The following ATP11C variants were observed in gnomAD, a reference collection of about 807,000 sequenced individuals.
The protein encoded by ATP11C is ATPase phospholipid transporting 11C (ATP11C blood group), also known as phospholipid-transporting ATPase IG.
A neutral mutation model predicts 97.4 loss-of-function variants in ATP11C; 36 were observed. The observed-to-expected ratio is 0.37, with a 90% confidence interval of 0.28 to 0.49. ATP11C has a LOEUF of 0.49. Ranked by LOEUF, ATP11C falls within the 20% of genes least tolerant of loss-of-function variation. The pLI is 0.98. For synonymous variants in ATP11C, 275 were observed against 290.9 expected (o/e 0.95, Z 0.56); for missense variants, 730 against 824.6 (o/e 0.89, Z 1.40).
chrX:139,733,754 C>G (rs1024201148), intron 28 of ATP11C, among the ~76,000 whole-genome samples: 1 of 111,835 alleles, frequency 8.9e-6, no homozygotes, highest in African/African-American at 3.2e-5. Flanking sequence ...CCTATCTATT[C>G]AAGACTGCAA....
At chrX:139,839,035 T>C (rs2083789204) in intron 1 of ATP11C, among the ~76,000 whole-genome samples, 1 of 112,189 alleles carries the variant, frequency 8.9e-6, no homozygotes, top group Middle Eastern at 4.6e-3. Flanking sequence ...TGAAATATTA[T>C]TCAGCCATAA....
intron 5 of ATP11C, among the ~76,000 whole-genome samples, chrX:139,810,477 G>C (rs1402520209): frequency 9.0e-6 from 1 of 111,083 alleles, no homozygotes. Context: ...ATAATAACCA[G>C]AAAATTCCCA....
chrX:139,759,860 G>C (rs1251285585), intron 22 of ATP11C, among the ~76,000 whole-genome samples: 10 of 112,090 alleles, frequency 8.9e-5, no homozygotes, highest in Non-Finnish European at 1.1e-4. Context: ...CTCCTTAACA[G>C]AGCATTCCTT....
chrX:139,882,655 C>G (rs181422069), intron 1 of ATP11C, among the ~76,000 whole-genome samples: 1 of 111,601 alleles, frequency 9.0e-6, no homozygotes, highest in Admixed American at 9.6e-5. Context: ...CCCCCCTTCA[C>G]TAGGGCTCAG....
intron 18 of ATP11C, among the ~76,000 whole-genome samples, chrX:139,777,229 G>T (rs373320491): frequency 9.1e-6 from 1 of 110,340 alleles, no homozygotes; most frequent in Non-Finnish European, 1.9e-5. Context: ...AATATGGATT[G>T]CAAGGCAACT....
intron 5 of ATP11C, among the ~76,000 whole-genome samples, chrX:139,808,348 T>C (rs1392019023): frequency 9.0e-6 from 1 of 111,248 alleles, no homozygotes; most frequent in African/African-American, 3.3e-5. Flanking sequence ...CCAAGAATTA[T>C]CCAAAGTTAA....
At chrX:139,930,044 ATACT>A (rs892282197) in intron 1 of ATP11C, among the ~76,000 whole-genome samples, 12 of 112,034 alleles carry the variant, frequency 1.1e-4, no homozygotes, top group African/African-American at 3.9e-4. Context: ...CAAATTCCTG[ATACT>A]TACCACAGTC....
chrX:139,788,272 A>G lies in ATP11C; in HGVS notation c.1440T>C (p.Val480=), dbSNP rs761356575. Residue 480 remains valine (V), a synonymous_variant, in exon 14 of 30, where the codon GTT becomes GTC. Transcript: ENST00000682941. ...ATTCAGCTGATTCTGTAGCTCCATC[A>G]ACAGCATCGTTTGTTTTGATTTCTA... ...HTVEIKTNDA[V]DGATESAELT... 8.3e-7 allele frequency: 1 copy of G among 1,206,416 alleles called. No homozygotes were observed. Among genetic ancestry groups the G allele is most frequent in the Admixed American group, 2.2e-5 (1 of 45,977 alleles).
chrX:139,865,686 G>A lies in ATP11C; in HGVS notation c.28-38863C>T, dbSNP rs1380725885. On this transcript the variant is annotated intron_variant, in intron 1 of 29. Coordinates refer to ENST00000682941, the MANE Select transcript of ATP11C (RefSeq NM_001353812.2). ...TAAGGCAGTAGAATCGCTTGAACCC[G>A]GGAGGCGGAGGTTGCAGTGAGCAAA... is the stretch of plus-strand genomic sequence containing the variant. 2.7e-5 allele frequency among the ~76,000 whole-genome samples: 3 copies of A among 110,908 alleles called. No homozygotes were observed. In the Admixed American group the frequency reaches 2.9e-4, roughly 11 times the overall value.
intron 1 of ATP11C, among the ~76,000 whole-genome samples, chrX:139,922,280 T>A (rs2085278773): frequency 1.2e-5 from 1 of 84,537 alleles, no homozygotes; most frequent in Non-Finnish European, 2.3e-5. Context: ...GCATTTTTTT[T>A]AAATGACATA....
intron 28 of ATP11C, 45 bp downstream of exon 28, chrX:139,737,871 A>T (rs2081476797): frequency 1.5e-5 from 18 of 1,171,163 alleles, no homozygotes; most frequent in Non-Finnish European, 2.1e-5. Context: ...GCAGATATTG[A>T]GGCCCCTTCC....
At chrX:139,795,915 T>C (rs976474122) in intron 12 of ATP11C, among the ~76,000 whole-genome samples, 2 of 111,949 alleles carry the variant, frequency 1.8e-5, no homozygotes, top group Middle Eastern at 4.3e-3. Context: ...AAAATACACT[T>C]ATAAAAGAGC....
rs1164923861 is a variant in ATP11C at position 139,818,634 on chromosome X, A to C, written c.237+704T>G. Reference sequence around the variant, plus strand: ...TTCAATTACAGTACCATTTACTCAAAGCCTCAAAGTGAGTCAACAGAAGCA... The same window carrying C: ...TTCAATTACAGTACCATTTACTCAACGCCTCAAAGTGAGTCAACAGAAGCA... On this transcript the variant is annotated intron_variant, in intron 3 of 29. Coordinates refer to ENST00000682941, the MANE Select transcript of ATP11C (RefSeq NM_001353812.2). Among the ~76,000 whole-genome samples the C allele has an allele frequency of 4.5e-5, 5 of 112,234 alleles. No homozygotes were observed. The East Asian group carries it at 1.4e-3, about 31-fold the overall frequency.
At chrX:139,834,222 C>T (rs754634176) in intron 1 of ATP11C, among the ~76,000 whole-genome samples, 22 of 111,703 alleles carry the variant, frequency 2.0e-4, no homozygotes, top group Middle Eastern at 4.6e-3. Context: ...CTAGAGTTAG[C>T]CAGGGAGCTT....
chrX:139,770,700 C>T (rs1383521247), intron 19 of ATP11C, among the ~76,000 whole-genome samples: 2 of 110,675 alleles, frequency 1.8e-5, no homozygotes, highest in Non-Finnish European at 3.8e-5. Context: ...GAGTCTGAAC[C>T]CTGTGTAAGT....
upstream of ATP11C, among the ~76,000 whole-genome samples, chrX:139,934,769 G>C (rs2085508150): frequency 9.1e-6 from 1 of 110,196 alleles, no homozygotes; most frequent in African/African-American, 3.3e-5. Context: ...CCCAGGTCTC[G>C]ATCTCCTGAC....
At chrX:139,922,392 C>T (rs180907616) in intron 1 of ATP11C, among the ~76,000 whole-genome samples, 4,313 of 105,544 alleles carry the variant, frequency 0.041, 99 homozygotes, top group Middle Eastern at 0.069. Context: ...TTAGCATCTC[C>T]TTTTTTAAAA....
chrX:139,863,114 T>C (rs1297422290), intron 1 of ATP11C, among the ~76,000 whole-genome samples: 3 of 112,244 alleles, frequency 2.7e-5, no homozygotes, highest in African/African-American at 9.7e-5. Flanking sequence ...TGCTACATAA[T>C]GACTTGTTCA....
Position 139,853,833 on chromosome X carries a change from CAAAAAAAAAA to C in ATP11C, c.28-27020_28-27011del, listed in dbSNP as rs934664774. Among the ~76,000 whole-genome samples the C allele has an allele frequency of 6.1e-4, 13 of 21,269 alleles. 1 individual carries two copies. Among genetic ancestry groups the C allele is most frequent in the African/African-American group, 1.6e-3 (9 of 5,800 alleles). 18.5% of individuals were successfully genotyped at this position (21,269 alleles called of 115,157 possible). On this transcript the variant is annotated intron_variant, in intron 1 of 29. Transcript: ENST00000682941. ...TCACCAGTTCAGAACTATCCTAAGT[CAAAAAAAAAA>C]AAAAAAAAAAAAAAAAAGGTAGCTT...
Sources: allele counts gnomAD v4.1 joint callset (sites outside exome capture counted in the v4.1 genomes callset), GRCh38; gene constraint gnomAD v4.1.1; transcripts MANE v1.5; gene names NCBI Gene and HGNC (gene_info 2026-07-23, HGNC 2026-07-21).